The following LRP1B variants were observed in gnomAD, a reference collection of about 807,000 sequenced individuals.
The protein encoded by LRP1B is LDL receptor related protein 1B, also known as low-density lipoprotein receptor-related protein 1B.
A neutral mutation model predicts 556.6 loss-of-function variants in LRP1B; 217 were observed. The ratio of observed to expected loss-of-function variants is 0.39; its 90% CI spans 0.35 to 0.44. LRP1B has a LOEUF of 0.44. Ranked by LOEUF, LRP1B falls within the 20% of genes least tolerant of loss-of-function variation. LRP1B has a pLI of 1.00. For missense variants in LRP1B, 5,053 were observed against 5,620.8 expected, an observed-to-expected ratio of 0.90 and a Z score of 3.23; for synonymous variants, 2,047 against 1,865.8, an observed-to-expected ratio of 1.10 and a Z score of -2.50.
At chr2:140,904,541 T>G (rs1694192679) in intron 22 of LRP1B, among the ~76,000 whole-genome samples, 1 of 152,164 alleles carries the variant, frequency 6.6e-6, no homozygotes, top group Non-Finnish European at 1.5e-5. Flanking sequence ...CATTTCTACA[T>G]TTTTAAAAGC....
chr2:140,961,882 T>C (rs892117096), intron 18 of LRP1B, among the ~76,000 whole-genome samples: 57 of 152,280 alleles, frequency 3.7e-4, no homozygotes, highest in African/African-American at 1.3e-3. Flanking sequence ...TACTACCTTA[T>C]ATGCAAGTAG....
chr2:141,858,187 C>T (rs1698125158), intron 1 of LRP1B, among the ~76,000 whole-genome samples: 1 of 152,118 alleles, frequency 6.6e-6, no homozygotes, highest in South Asian at 2.1e-4. Flanking sequence ...TTGAATCAAA[C>T]TCATTTCTTT....
At chr2:140,429,043 C>G (rs1353881049) in intron 66 of LRP1B, among the ~76,000 whole-genome samples, 1 of 152,086 alleles carries the variant, frequency 6.6e-6, no homozygotes, top group Non-Finnish European at 1.5e-5. Flanking sequence ...GTATAAGATA[C>G]CTCTACTCCC....
At chr2:140,502,542 T>A (rs1339427608) in intron 54 of LRP1B, among the ~76,000 whole-genome samples, 1 of 152,052 alleles carries the variant, frequency 6.6e-6, no homozygotes, top group African/African-American at 2.4e-5. Flanking sequence ...ACCAAGTTTT[T>A]AATATATGTA....
chr2:141,753,718 G>A (rs1276112798), intron 2 of LRP1B, among the ~76,000 whole-genome samples: 2 of 151,742 alleles, frequency 1.3e-5, no homozygotes, highest in African/African-American at 2.4e-5. Context: ...ATCTCAATTC[G>A]ACAGCACTGC....
rs183050358 is a variant in LRP1B at position 140,722,549 on chromosome 2, T to C, written c.5759-5733A>G. Reference sequence around the variant, plus strand: ...TAGTACAGTTGGACAGGCCAGAAATTCTGAATATTCTCTTATTTTCAGAAA... The same window carrying C: ...TAGTACAGTTGGACAGGCCAGAAATCCTGAATATTCTCTTATTTTCAGAAA... On this transcript the variant is annotated intron_variant, in intron 35 of 90. Transcript: ENST00000389484. 1.2e-3 allele frequency among the ~76,000 whole-genome samples: 189 copies of C among 152,256 alleles called. 3 individuals carry two copies. Among genetic ancestry groups the C allele is most frequent in the Non-Finnish European group, 1.2e-4 (8 of 68,018 alleles).
intron 1 of LRP1B, among the ~76,000 whole-genome samples, chr2:142,004,246 A>G (rs1486750013): frequency 1.3e-5 from 2 of 152,118 alleles, no homozygotes; most frequent in African/African-American, 4.8e-5. Flanking sequence ...ACTGAGAAAA[A>G]CTACTAATCA....
chr2:141,406,853 G>C (rs13002648), intron 3 of LRP1B, among the ~76,000 whole-genome samples: 1 of 151,984 alleles, frequency 6.6e-6, no homozygotes, highest in East Asian at 1.9e-4. Context: ...ATTTATATGT[G>C]CTGTAAGCTT....
intron 5 of LRP1B, among the ~76,000 whole-genome samples, chr2:141,240,286 C>T (rs1019970142): frequency 2.0e-5 from 3 of 152,036 alleles, no homozygotes; most frequent in African/African-American, 7.2e-5. Context: ...TTTATTACCC[C>T]AGATTTTTTT....
At chr2:141,492,354 AAAAAC>A (rs1177765411) in intron 2 of LRP1B, among the ~76,000 whole-genome samples, 6 of 152,196 alleles carry the variant, frequency 3.9e-5, no homozygotes, top group African/African-American at 9.6e-5. Context: ...GTACTGGCCT[AAAAAC>A]AAAACAAAAC....
At chr2:141,681,011 G>A (rs1253142854) in intron 2 of LRP1B, among the ~76,000 whole-genome samples, 1 of 152,042 alleles carries the variant, frequency 6.6e-6, no homozygotes, top group Non-Finnish European at 1.5e-5. Context: ...AAATATTATT[G>A]GCCCAGCTCA....
At chr2:140,342,124 C>A (rs1242790605) in intron 77 of LRP1B, among the ~76,000 whole-genome samples, 1 of 151,326 alleles carries the variant, frequency 6.6e-6, no homozygotes. Context: ...TTTGTGAATT[C>A]ATTTTGCCAC....
chr2:140,722,936 G>A (rs754178055), intron 35 of LRP1B, among the ~76,000 whole-genome samples: 8 of 152,064 alleles, frequency 5.3e-5, no homozygotes, highest in East Asian at 1.9e-4. Context: ...CCAGCTACTC[G>A]GGAGGCTGAG....
intron 3 of LRP1B, among the ~76,000 whole-genome samples, chr2:141,287,728 T>C (rs1251352494): frequency 1.3e-5 from 2 of 152,190 alleles, no homozygotes; most frequent in Non-Finnish European, 2.9e-5. Flanking sequence ...TCCTGCATGA[T>C]ATAAAGTGTT....
At chr2:141,088,742 G>A (rs1217855586) in intron 7 of LRP1B, among the ~76,000 whole-genome samples, 1 of 152,114 alleles carries the variant, frequency 6.6e-6, no homozygotes, top group Admixed American at 6.5e-5. Context: ...CTTGTCTCAG[G>A]CACTGTCAGA....
At chr2:140,532,679 G>A (rs551313299) in intron 47 of LRP1B, among the ~76,000 whole-genome samples, 1 of 152,106 alleles carries the variant, frequency 6.6e-6, no homozygotes, top group African/African-American at 2.4e-5. Context: ...ACAGGCATGA[G>A]CCACCACGCC....
At chr2:140,492,523 C>T in intron 57 of LRP1B, 85 bp downstream of exon 57, 1 of 820,574 alleles carries the variant, frequency 1.2e-6, no homozygotes. Flanking sequence ...GCTTCACAAA[C>T]TCTAATTGCC....
At chr2:141,464,845 T>A (rs1682120544) in intron 3 of LRP1B, among the ~76,000 whole-genome samples, 1 of 151,810 alleles carries the variant, frequency 6.6e-6, no homozygotes. Context: ...TGATAGGGAT[T>A]TATTTGGGGG....
At chr2:141,773,231 A>G (rs1047792950) in intron 2 of LRP1B, among the ~76,000 whole-genome samples, 7 of 152,210 alleles carry the variant, frequency 4.6e-5, no homozygotes, top group African/African-American at 1.7e-4. Flanking sequence ...TCCTAATTTG[A>G]CACAATTAAA....
Sources: allele counts gnomAD v4.1 joint callset (sites outside exome capture counted in the v4.1 genomes callset), GRCh38; gene constraint gnomAD v4.1.1; transcripts MANE v1.5; gene names NCBI Gene and HGNC (gene_info 2026-07-23, HGNC 2026-07-21).